The following DCPS variants were observed in gnomAD, a reference collection of about 807,000 sequenced individuals.
DCPS encodes the protein decapping enzyme, scavenger.
In DCPS, 27 loss-of-function variants were observed where a neutral mutation model predicts 34.7. The ratio of observed to expected loss-of-function variants is 0.78; its 90% CI spans 0.57 to 1.07. The LOEUF (loss-of-function observed/expected upper bound fraction) is 1.07. Among genes scored for constraint, DCPS ranks in the 50% least tolerant of loss-of-function variants. The pLI is 0.00. For synonymous variants in DCPS, 185 were observed against 185.7 expected (o/e 1.00, Z 0.03); for missense variants, 464 against 436.9 (o/e 1.06, Z -0.55).
In DCPS at chr11:126,327,671, C is replaced by A. The variant is rs971996839; in HGVS notation, c.377-3734C>A. ...ATTGTTTTTTGGCTGCCATCGTAAA[C>A]CTTAGCATTAGGAAATATATTGATT... On this transcript the variant is annotated intron_variant, in intron 2 of 5. Coordinates refer to ENST00000263579, the MANE Select transcript of DCPS (RefSeq NM_014026.6). The surrounding 1 kb of genome is among the most constrained non-coding windows in gnomAD (Gnocchi z 4.1). 2.0e-5 allele frequency among the ~76,000 whole-genome samples: 3 copies of A among 152,176 alleles called. No homozygotes were observed. The East Asian group carries it at 5.8e-4, about 29-fold the overall frequency.
At chr11:126,306,105 G>A (rs907691782) in intron 1 of DCPS, among the ~76,000 whole-genome samples, 2 of 152,200 alleles carry the variant, frequency 1.3e-5, no homozygotes, top group African/African-American at 4.8e-5. Context: ...GGGCATGGTG[G>A]CTCACACCTG....
rs562034555 is a variant in DCPS at position 126,326,260 on chromosome 11, G to C, written c.377-5145G>C. The stretch of plus-strand genomic sequence containing the variant: ...TCATCCTGAGCAGGCGGTGCCCTCA[G>C]TCCACTTGCCAGACAGCGTATGGCA... On this transcript the variant is annotated intron_variant, in intron 2 of 5. Coordinates refer to ENST00000263579, the MANE Select transcript of DCPS (RefSeq NM_014026.6). Among the ~76,000 whole-genome samples, 22 of 152,326 alleles carry C rather than the reference G, an allele frequency of 1.4e-4. No individual in the cohort carries two copies. The South Asian group carries it at 4.4e-3, about 30-fold the overall frequency.
chr11:126,340,258 G>A lies in DCPS; in HGVS notation c.636+1859G>A, dbSNP rs536529734. 3.3e-5 allele frequency among the ~76,000 whole-genome samples: 5 copies of A among 152,318 alleles called. No individual in the cohort carries two copies. The East Asian group carries it at 9.6e-4, about 29-fold the overall frequency. ...ACTTGTCCTCAAGGGTCATGAAAGG[G>A]CCAGCTTAAACGTCACACTTTGCTT... On this transcript the variant is annotated intron_variant, in intron 4 of 5. Transcript: ENST00000263579.
At chr11:126,304,896 G>A (rs1424291715) in intron 1 of DCPS, among the ~76,000 whole-genome samples, 1 of 152,148 alleles carries the variant, frequency 6.6e-6, no homozygotes, top group African/African-American at 2.4e-5. Context: ...TCTGGCAGGG[G>A]CTGAGGAGAG....
intron 1 of DCPS, among the ~76,000 whole-genome samples, chr11:126,304,698 C>T (rs1194885194): frequency 2.0e-5 from 3 of 152,124 alleles, no homozygotes; most frequent in Non-Finnish European, 2.9e-5. Flanking sequence ...CGACTTCAGC[C>T]GTAACAGGAG....
intron 2 of DCPS, 59 bp downstream of exon 2, chr11:126,306,803 G>A: frequency 1.3e-6 from 2 of 1,548,868 alleles, no homozygotes; most frequent in Non-Finnish European, 1.8e-6. Context: ...TGGGAAATTA[G>A]GTGGTATGGT....
chr11:126,307,452 C>T (rs1285474956), intron 2 of DCPS, among the ~76,000 whole-genome samples: 1 of 151,882 alleles, frequency 6.6e-6, no homozygotes, highest in African/African-American at 2.4e-5. Context: ...GCTCTGTTGC[C>T]CAGGCTAGAG....
chr11:126,317,943 G>T (rs1951675086), intron 2 of DCPS, among the ~76,000 whole-genome samples: 1 of 152,130 alleles, frequency 6.6e-6, no homozygotes, highest in Non-Finnish European at 1.5e-5. Context: ...TCTATCCATT[G>T]TAACTGAGGG....
chr11:126,328,646 A>G lies in DCPS; in HGVS notation c.377-2759A>G, dbSNP rs1320546870. Among the ~76,000 whole-genome samples, 1 of 152,074 alleles carries G rather than the reference A, an allele frequency of 6.6e-6. No individual in the cohort carries two copies. Among genetic ancestry groups the G allele is most frequent in the Non-Finnish European group, 1.5e-5 (1 of 67,988 alleles). ...CTGATCTGGAGCAGCCAGGAGCCCC[A>G]GGCTGGGAGCCCGGCTGGGTGACCC... On this transcript the variant is annotated intron_variant, in intron 2 of 5. Transcript: ENST00000263579. The surrounding 1 kb of genome is among the most constrained non-coding windows in gnomAD (Gnocchi z 6.6).
In DCPS at chr11:126,343,307, C is replaced by T; in HGVS notation, c.637C>T (p.Leu213Phe). ...IPDLKWNQQQ[L>F]DDLYLIAICH... ...TGGTCTCCCCTTGCTCTCTACGCAGCTCGATGACTTGTACTTGATCGCCAT... is the reference window on the plus strand; with the variant it reads ...TGGTCTCCCCTTGCTCTCTACGCAGTTCGATGACTTGTACTTGATCGCCAT... Residue 213 changes from leucine to phenylalanine, a missense_variant and splice_region_variant, in exon 5 of 6, where the codon CTC (leucine) becomes TTC (phenylalanine). By Grantham distance (22) the Leu-to-Phe change is conservative (BLOSUM62 0). Transcript: ENST00000263579. 1 of 1,612,674 alleles carries T rather than the reference C, an allele frequency of 6.2e-7. No individual in the cohort carries two copies. Among genetic ancestry groups the T allele is most frequent in the Non-Finnish European group, 8.5e-7 (1 of 1,179,356 alleles).
At position 126,323,943 on chromosome 11, in the gene DCPS, G is replaced by A. The variant is rs1426481317; in HGVS notation, c.377-7462G>A. ...CCTCCCAGGTTCAAGCGATTCTTCC[G>A]CCTCAGCCTCCCGAGTATCTGGGAT... On this transcript the variant is annotated intron_variant, in intron 2 of 5. Coordinates refer to ENST00000263579, the MANE Select transcript of DCPS (RefSeq NM_014026.6). The surrounding 1 kb of genome is among the most constrained non-coding windows in gnomAD (Gnocchi z 4.4). Among the ~76,000 whole-genome samples the A allele has an allele frequency of 1.2e-3, 179 of 152,116 alleles. No homozygotes were observed. The highest frequency in any genetic ancestry group is 2.1e-4 in the South Asian group (1 of 4,810).
intron 1 of DCPS, among the ~76,000 whole-genome samples, chr11:126,305,720 CTTGTTTTTTG>C (rs1478598601): frequency 3.4e-4 from 52 of 152,214 alleles, no homozygotes; most frequent in African/African-American, 1.1e-3. Context: ...TGCGCTGGGC[CTTGTTTTTTG>C]TTGTTTTTTG....
chr11:126,343,450 A>C, intron 5 of DCPS, 33 bp downstream of exon 5: 5 of 1,525,416 alleles, frequency 3.3e-6, no homozygotes, highest in Non-Finnish European at 4.5e-6. Flanking sequence ...GTGGAAGCTC[A>C]GAGAAATTAG....
rs1390098302 is a variant in DCPS, at chr11:126,334,991, G to A, written c.523-3295G>A. Among the ~76,000 whole-genome samples the A allele has an allele frequency of 1.3e-5, 2 of 152,238 alleles. No homozygotes were observed. The highest frequency in any genetic ancestry group is 1.5e-5 in the Non-Finnish European group (1 of 68,046). On this transcript the variant is annotated intron_variant, in intron 3 of 5. Coordinates refer to ENST00000263579, the MANE Select transcript of DCPS (RefSeq NM_014026.6). This position sits in a 1 kb window ranked among gnomAD's most constrained non-coding sequence, Gnocchi z 5.5. ...TAATGGCTCCTCCCTCCTGGGTGTT[G>A]TGGAAATTGAGAGAGGTGCCATATA...
rs1591395496 is a variant in DCPS, at chr11:126,347,231, T to C, written c.*1618T>C. On this transcript the variant is annotated 3_prime_UTR_variant, in exon 6 of 6. Transcript: ENST00000263579. This position sits in a 1 kb window ranked among gnomAD's most constrained non-coding sequence, Gnocchi z 4.2. ...CATTCTTCCCTGCAGCTCTTTTTTT[T>C]TTTTTTTTTTTTGAGACAATCTCGC... Among the ~76,000 whole-genome samples the C allele has an allele frequency of 6.7e-6, 1 of 149,778 alleles. No homozygotes were observed. Among genetic ancestry groups the C allele is most frequent in the South Asian group, 2.2e-4 (1 of 4,644 alleles).
At chr11:126,324,262 C>G (rs367735835) in intron 2 of DCPS, among the ~76,000 whole-genome samples, 23 of 152,238 alleles carry the variant, frequency 1.5e-4, no homozygotes, top group South Asian at 1.4e-3. Context: ...GTTTTATGCT[C>G]TGGTGGAAAT....
rs1951728842 is a variant in DCPS, at chr11:126,324,722, T to C, written c.377-6683T>C. On this transcript the variant is annotated intron_variant, in intron 2 of 5. Transcript: ENST00000263579. Reference sequence around the variant, plus strand: ...AATCCATGGTCTCAAGCAATCTCCCTGCCTTGGCCTCCCAAATTGCTGGGA... The same window carrying C: ...AATCCATGGTCTCAAGCAATCTCCCCGCCTTGGCCTCCCAAATTGCTGGGA... Among the ~76,000 whole-genome samples the C allele has an allele frequency of 2.1e-5, 3 of 145,288 alleles. No individual in the cohort carries two copies. In the Admixed American group the frequency reaches 2.2e-4, roughly 11 times the overall value.
chr11:126,336,643 A>G lies in DCPS; in HGVS notation c.523-1643A>G, dbSNP rs1349742421. ...GGTGCGTTGGGGCTGTCTGTAGGGA[A>G]TGCCGTCTCCCTCCCTCCCTTGTAT... On this transcript the variant is annotated intron_variant, in intron 3 of 5. Coordinates refer to ENST00000263579, the MANE Select transcript of DCPS (RefSeq NM_014026.6). This position sits in a 1 kb window ranked among gnomAD's most constrained non-coding sequence, Gnocchi z 6.3. The G allele has an allele frequency of 6.6e-6, 1 of 152,266 alleles. No homozygotes were observed. The highest frequency in any genetic ancestry group is 1.5e-5 in the Non-Finnish European group (1 of 68,124). 9.4% of individuals were successfully genotyped at this position (152,266 alleles called of 1,614,324 possible).
chr11:126,309,027 T>C (rs866764008), intron 2 of DCPS, among the ~76,000 whole-genome samples: 16,496 of 147,574 alleles, frequency 0.11, 984 homozygotes, highest in African/African-American at 0.13. Flanking sequence ...CCTGCCCCTT[T>C]TTTTTTTTTT....
Sources: gnomAD v4.1 joint callset for allele counts (sites outside exome capture counted in the v4.1 genomes callset) on GRCh38, gnomAD v4.1.1 for gene constraint, Gnocchi (gnomAD v3.1) non-coding constraint, MANE v1.5 for transcripts, NCBI Gene and HGNC (gene_info 2026-07-23, HGNC 2026-07-21) for gene names.